The following GRM3 variants were observed in gnomAD, a reference collection of about 807,000 sequenced individuals.
GRM3 encodes the protein glutamate metabotropic receptor 3.
A neutral mutation model predicts 70.5 loss-of-function variants in GRM3; 26 were observed. That is an observed-to-expected ratio of 0.37 (90% CI 0.27 to 0.51). The LOEUF is 0.51. Among genes scored for constraint, GRM3 ranks in the 20% least tolerant of loss-of-function variants. The probability of loss-of-function intolerance (pLI) is 0.93; values close to 1 mark genes in which losing one functional copy is unlikely to be tolerated. For synonymous variants in GRM3, 443 were observed against 434.9 expected (o/e 1.02, Z -0.23); for missense variants, 859 against 1,123.8 (o/e 0.76, Z 3.37).
At chr7:86,646,487 G>T (rs1793476069) in intron 1 of GRM3, among the ~76,000 whole-genome samples, 1 of 152,112 alleles carries the variant, frequency 6.6e-6, no homozygotes, top group African/African-American at 2.4e-5. Context: ...AATGAGGAAA[G>T]GAAGTCTTGA....
chr7:86,760,382 C>G (rs1796449264), intron 1 of GRM3, among the ~76,000 whole-genome samples: 1 of 152,118 alleles, frequency 6.6e-6, no homozygotes, highest in African/African-American at 2.4e-5. Flanking sequence ...AGGTTGCCTA[C>G]AGAGAGGGCT....
chr7:86,743,344 C>A (rs77387621), intron 1 of GRM3, among the ~76,000 whole-genome samples: 1,726 of 152,086 alleles, frequency 0.011, 18 homozygotes, highest in Non-Finnish European at 0.019. Context: ...CCTCCCCCAG[C>A]CACACACAGA....
chr7:86,692,762 A>T (rs773971886), intron 1 of GRM3, among the ~76,000 whole-genome samples: 8 of 152,258 alleles, frequency 5.3e-5, no homozygotes, highest in Non-Finnish European at 1.0e-4. Context: ...ATTAATAATC[A>T]AAGTATATAA....
intron 4 of GRM3, among the ~76,000 whole-genome samples, chr7:86,842,700 T>C (rs1376057155): frequency 1.3e-5 from 2 of 152,168 alleles, no homozygotes; most frequent in Non-Finnish European, 2.9e-5. Flanking sequence ...GAGTTATAAA[T>C]AAACATAAGG....
intron 1 of GRM3, among the ~76,000 whole-genome samples, chr7:86,722,153 C>G (rs1795481933): frequency 6.6e-6 from 1 of 152,046 alleles, no homozygotes; most frequent in South Asian, 2.1e-4. Flanking sequence ...CCTTCCCCTT[C>G]CCACCACCAG....
chr7:86,753,808 T>C (rs190784873), intron 1 of GRM3, among the ~76,000 whole-genome samples: 1 of 152,254 alleles, frequency 6.6e-6, no homozygotes, highest in East Asian at 1.9e-4. Context: ...CTGGTAAATA[T>C]TTAACAATCA....
At chr7:86,785,509 A>AT (rs572530767) in intron 2 of GRM3, among the ~76,000 whole-genome samples, 49,851 of 151,284 alleles carry the variant, frequency 0.33, 8,769 homozygotes, top group African/African-American at 0.47. Context: ...ATACCTTTTA[A>AT]TTTTTTTTAA....
intron 2 of GRM3, among the ~76,000 whole-genome samples, chr7:86,780,118 T>C (rs1797006623): frequency 6.6e-6 from 1 of 152,186 alleles, no homozygotes; most frequent in African/African-American, 2.4e-5. Flanking sequence ...TAATCCAGTC[T>C]ATCATTGTTG....
At chr7:86,706,637 G>GATCC (rs558444994) in intron 1 of GRM3, among the ~76,000 whole-genome samples, 12 of 152,114 alleles carry the variant, frequency 7.9e-5, no homozygotes, top group African/African-American at 2.7e-4. Flanking sequence ...GAAGCATATG[G>GATCC]ATCCGGGAGC....
intron 1 of GRM3, among the ~76,000 whole-genome samples, chr7:86,740,750 A>G (rs1795969128): frequency 7.0e-6 from 1 of 142,252 alleles, no homozygotes. Flanking sequence ...TGAAGACTAA[A>G]GCAGAAAGAG....
intron 4 of GRM3, among the ~76,000 whole-genome samples, chr7:86,845,677 G>T (rs1171997283): frequency 6.6e-6 from 1 of 152,138 alleles, no homozygotes; most frequent in Non-Finnish European, 1.5e-5. Context: ...AAATTAGGAT[G>T]GGGGAGGGGA....
At chr7:86,757,646 A>G (rs1034732182) in intron 1 of GRM3, among the ~76,000 whole-genome samples, 1 of 152,188 alleles carries the variant, frequency 6.6e-6, no homozygotes, top group African/African-American at 2.4e-5. Context: ...CAACCACTTT[A>G]GCAGCTTAGA....
At chr7:86,736,559 G>C (rs1364856455) in intron 1 of GRM3, among the ~76,000 whole-genome samples, 6 of 152,154 alleles carry the variant, frequency 3.9e-5, no homozygotes, top group Admixed American at 2.0e-4. Flanking sequence ...GGGAAACGTA[G>C]CAATTCTTCA....
At chr7:86,703,372 A>AT (rs1478155784) in intron 1 of GRM3, among the ~76,000 whole-genome samples, 1 of 152,106 alleles carries the variant, frequency 6.6e-6, no homozygotes, top group East Asian at 1.9e-4. Flanking sequence ...ATTTCTATAT[A>AT]TTCTGAGGAC....
At chr7:86,776,283 A>G (rs1257913621) in intron 2 of GRM3, among the ~76,000 whole-genome samples, 1 of 152,186 alleles carries the variant, frequency 6.6e-6, no homozygotes, top group Non-Finnish European at 1.5e-5. Context: ...AGTTAAAATA[A>G]CTAGCCGAAG....
intron 2 of GRM3, among the ~76,000 whole-genome samples, chr7:86,767,824 T>C (rs1796645668): frequency 6.6e-6 from 1 of 152,050 alleles, no homozygotes; most frequent in African/African-American, 2.4e-5. Context: ...AATCTAATTT[T>C]ACTCTTTTAC....
intron 1 of GRM3, among the ~76,000 whole-genome samples, chr7:86,659,221 A>G (rs939233050): frequency 2.6e-5 from 4 of 152,204 alleles, no homozygotes; most frequent in African/African-American, 4.8e-5. Flanking sequence ...GTTTGTGGCA[A>G]TATTTCTCAA....
chr7:86,686,206 CT>C (rs1489552731), intron 1 of GRM3, among the ~76,000 whole-genome samples: 1 of 152,066 alleles, frequency 6.6e-6, no homozygotes, highest in Non-Finnish European at 1.5e-5. Flanking sequence ...AAGACATATG[CT>C]TTCAGTGGGT....
At chr7:86,848,786 C>G (rs1041733991) in intron 4 of GRM3, among the ~76,000 whole-genome samples, 1 of 152,140 alleles carries the variant, frequency 6.6e-6, no homozygotes, top group Non-Finnish European at 1.5e-5. Context: ...TTATGCAATG[C>G]CAATAGAGCA....
Sources: allele counts gnomAD v4.1 joint callset (sites outside exome capture counted in the v4.1 genomes callset), GRCh38; gene constraint gnomAD v4.1.1; transcripts MANE v1.5; gene names NCBI Gene and HGNC (gene_info 2026-07-23, HGNC 2026-07-21).